The following SOX5 variants were observed in gnomAD, a reference collection of about 807,000 sequenced individuals.
SOX5 encodes transcription factor SOX-5.
SOX5 carries 9 observed loss-of-function variants against 92.0 expected under a neutral mutation model. That is an observed-to-expected ratio of 0.10 (90% CI 0.06 to 0.17). The LOEUF is 0.17. Among genes scored for constraint, SOX5 ranks in the 10% least tolerant of loss-of-function variants. SOX5 has a pLI of 1.00. For missense variants in SOX5, 642 were observed against 944.5 expected (o/e 0.68, Z 4.20); for synonymous variants, 344 against 336.3 (o/e 1.02, Z -0.25).
At chr12:23,877,424 C>A (rs1403043876) in intron 2 of SOX5, among the ~76,000 whole-genome samples, 1 of 152,008 alleles carries the variant, frequency 6.6e-6, no homozygotes, top group African/African-American at 2.4e-5. Context: ...TTCATGAGTC[C>A]AGTCTGTTTA....
intron 3 of SOX5, among the ~76,000 whole-genome samples, chr12:23,831,985 G>C (rs148459950): frequency 1.3e-4 from 6 of 47,736 alleles, no homozygotes; most frequent in South Asian, 1.6e-3. Flanking sequence ...CACACACACA[G>C]AGGCACATGC....
At chr12:23,621,482 T>G (rs886094865) in intron 8 of SOX5, among the ~76,000 whole-genome samples, 2 of 152,080 alleles carry the variant, frequency 1.3e-5, no homozygotes, top group African/African-American at 4.8e-5. Context: ...AAAAAGTGCA[T>G]GATTAAGAGG....
chr12:23,577,800 G>C (rs1949402783), intron 9 of SOX5, among the ~76,000 whole-genome samples: 1 of 151,890 alleles, frequency 6.6e-6, no homozygotes, highest in Non-Finnish European at 1.5e-5. Flanking sequence ...ATTTAATTTG[G>C]AGAAGTTTAC....
chr12:24,057,922 T>G (rs1414745932), intron 4 of SOX5, among the ~76,000 whole-genome samples: 1 of 152,168 alleles, frequency 6.6e-6, no homozygotes, highest in African/African-American at 2.4e-5. Context: ...TCCACAGTCT[T>G]TAAATTTTTT....
chr12:23,748,938 C>A (rs1486649187), intron 4 of SOX5, among the ~76,000 whole-genome samples: 1 of 151,916 alleles, frequency 6.6e-6, no homozygotes, highest in Non-Finnish European at 1.5e-5. Flanking sequence ...ACCATTATAT[C>A]TCCAGAGCTA....
intron 3 of SOX5, among the ~76,000 whole-genome samples, chr12:23,800,517 C>T (rs2095641262): frequency 6.6e-6 from 1 of 151,190 alleles, no homozygotes; most frequent in South Asian, 2.1e-4. Flanking sequence ...AAAATTGGGA[C>T]ATGAATGATA....
At chr12:24,538,336 TA>T (rs774146100) in intron 1 of SOX5, among the ~76,000 whole-genome samples, 1 of 151,932 alleles carries the variant, frequency 6.6e-6, no homozygotes, top group African/African-American at 2.4e-5. Context: ...ATGAGACTCT[TA>T]AAAAAAAGTT....
chr12:24,254,422 T>G (rs1031600067), intron 3 of SOX5, among the ~76,000 whole-genome samples: 4 of 151,832 alleles, frequency 2.6e-5, no homozygotes, highest in Admixed American at 6.6e-5. Flanking sequence ...CTAATACATC[T>G]AATCTACCAA....
intron 4 of SOX5, among the ~76,000 whole-genome samples, chr12:24,143,755 T>C (rs566848250): frequency 1.6e-4 from 25 of 151,726 alleles, no homozygotes; most frequent in African/African-American, 5.8e-4. Flanking sequence ...CTGGGAACTG[T>C]GCATTCTTAC....
chr12:24,182,369 G>A (rs927881523), intron 4 of SOX5, among the ~76,000 whole-genome samples: 2 of 152,134 alleles, frequency 1.3e-5, no homozygotes, highest in African/African-American at 4.8e-5. Flanking sequence ...CTACCTACAC[G>A]AAGGACCAAC....
intron 3 of SOX5, among the ~76,000 whole-genome samples, chr12:23,831,712 T>A (rs1181906956): frequency 6.6e-6 from 1 of 152,104 alleles, no homozygotes; most frequent in African/African-American, 2.4e-5. Flanking sequence ...TCTTGAAATA[T>A]AAAATTGTGA....
At chr12:24,463,438 T>A (rs957020216) in intron 1 of SOX5, among the ~76,000 whole-genome samples, 1 of 152,192 alleles carries the variant, frequency 6.6e-6, no homozygotes, top group Non-Finnish European at 1.5e-5. Flanking sequence ...TGACAAGACC[T>A]AAAAGTTACT....
At chr12:23,845,256 T>C (rs2096561984) in intron 3 of SOX5, among the ~76,000 whole-genome samples, 1 of 152,246 alleles carries the variant, frequency 6.6e-6, no homozygotes, top group South Asian at 2.1e-4. Flanking sequence ...ATGGCACCCA[T>C]GCTTAGGATG....
At chr12:24,319,958 G>C (rs1299054438) in intron 2 of SOX5, among the ~76,000 whole-genome samples, 1 of 152,092 alleles carries the variant, frequency 6.6e-6, no homozygotes, top group Non-Finnish European at 1.5e-5. Flanking sequence ...AACTCAGTAG[G>C]TTACACATGC....
At chr12:23,961,013 T>G (rs1946868717) in intron 4 of SOX5, among the ~76,000 whole-genome samples, 1 of 152,184 alleles carries the variant, frequency 6.6e-6, no homozygotes, top group Admixed American at 6.5e-5. Context: ...AATATACATC[T>G]AATTAAACTA....
intron 4 of SOX5, among the ~76,000 whole-genome samples, chr12:24,057,016 A>G (rs1399572934): frequency 4.0e-5 from 6 of 150,078 alleles, no homozygotes; most frequent in East Asian, 1.9e-4. Flanking sequence ...AAAGAAAGTA[A>G]GTAAGTAAAT....
intron 2 of SOX5, among the ~76,000 whole-genome samples, chr12:23,883,160 G>A (rs1470891182): frequency 2.7e-5 from 4 of 150,728 alleles, no homozygotes; most frequent in East Asian, 3.9e-4. Flanking sequence ...CAGCCTGGGC[G>A]AGAGTGCGAG....
intron 4 of SOX5, among the ~76,000 whole-genome samples, chr12:24,159,875 T>C (rs1952572240): frequency 6.6e-6 from 1 of 152,022 alleles, no homozygotes; most frequent in Admixed American, 6.6e-5. Flanking sequence ...GGACGAAAAG[T>C]ATATTCTCCC....
rs763973565 is a variant in SOX5, at chr12:24,287,592, C to CTTTT, written c.-173-10284_-173-10281dup. Among the ~76,000 whole-genome samples, 343 of 79,642 alleles carry CTTTT rather than the reference C, an allele frequency of 4.3e-3. 1 individual carries two copies. The highest frequency in any genetic ancestry group is 0.02 in the South Asian group (29 of 1,486). 52.2% of individuals were successfully genotyped at this position (79,642 alleles called of 152,430 possible). ...TCTTAAAAACAGTGATTCTCAAATC[C>CTTTT]TTTTTTTTTTTTTTTTTTTTTTTTT... On this transcript the variant is annotated intron_variant, in intron 2 of 4. Coordinates refer to the SOX5 transcript ENST00000446891.
Sources: allele counts gnomAD v4.1 joint callset (sites outside exome capture counted in the v4.1 genomes callset), GRCh38; gene constraint gnomAD v4.1.1; transcripts MANE v1.5; gene names NCBI Gene and HGNC (gene_info 2026-07-23, HGNC 2026-07-21).